Variants in INPP4A observed in about 807,000 individuals in gnomAD.
The protein encoded by INPP4A is inositol polyphosphate-4-phosphatase, type I, 107kD.
In INPP4A, 33 loss-of-function variants were observed where a neutral mutation model predicts 119.8. That is an observed-to-expected ratio of 0.28 (90% CI 0.21 to 0.37). The LOEUF (loss-of-function observed/expected upper bound fraction) is 0.37. Ranked by LOEUF, INPP4A falls within the 10% of genes least tolerant of loss-of-function variation. INPP4A has a pLI of 1.00. For synonymous variants in INPP4A, 496 were observed against 500.7 expected, an observed-to-expected ratio of 0.99 and a Z score of 0.12; for missense variants, 956 against 1,289.9, an observed-to-expected ratio of 0.74 and a Z score of 3.97.
intron 1 of INPP4A, among the ~76,000 whole-genome samples, chr2:98,486,194 C>G (rs778984686): frequency 4.6e-5 from 7 of 152,118 alleles, no homozygotes; most frequent in Non-Finnish European, 8.8e-5. Context: ...ATGCTCTTTC[C>G]TGGAGTCTCA....
At chr2:98,496,914 C>T (rs945721407) in intron 1 of INPP4A, among the ~76,000 whole-genome samples, 1 of 152,172 alleles carries the variant, frequency 6.6e-6, no homozygotes, top group Non-Finnish European at 1.5e-5. Flanking sequence ...GGTTGCTTTT[C>T]CCTCTCTGAC....
chr2:98,557,902 G>T (rs1289095418), intron 16 of INPP4A, among the ~76,000 whole-genome samples: 1 of 152,130 alleles, frequency 6.6e-6, no homozygotes, highest in Non-Finnish European at 1.5e-5. Context: ...CCAGGATTTG[G>T]TGGCTTCCAC....
intron 1 of INPP4A, among the ~76,000 whole-genome samples, chr2:98,516,987 G>C (rs1686259308): frequency 1.3e-5 from 2 of 151,898 alleles, no homozygotes; most frequent in Non-Finnish European, 2.9e-5. Flanking sequence ...CTTTGTATTG[G>C]GGTATAAAAA....
At chr2:98,564,841 C>T (rs1696142084) in intron 19 of INPP4A, 78 bp downstream of exon 19, 3 of 1,449,368 alleles carry the variant, frequency 2.1e-6, no homozygotes, top group Non-Finnish European at 2.8e-6. Flanking sequence ...ACTTTTCTCA[C>T]TATACCAGTA....
chr2:98,528,575 G>A (rs923332492), intron 4 of INPP4A, among the ~76,000 whole-genome samples: 2 of 147,410 alleles, frequency 1.4e-5, no homozygotes, highest in African/African-American at 5.0e-5. Flanking sequence ...CTCCACATAG[G>A]ATAAACTCAA....
chr2:98,531,768 C>T (rs1318111494), intron 4 of INPP4A, among the ~76,000 whole-genome samples: 3 of 152,136 alleles, frequency 2.0e-5, no homozygotes, highest in Non-Finnish European at 4.4e-5. Flanking sequence ...CATTTTCAAA[C>T]CTTAAAAGCT....
At chr2:98,536,048 C>A in intron 6 of INPP4A, 81 bp from the exon 7 acceptor site, 1 of 884,254 alleles carries the variant, frequency 1.1e-6, no homozygotes, top group Non-Finnish European at 1.8e-6. Flanking sequence ...AAGCAGTCAG[C>A]TGGACTCTCT....
chr2:98,476,054 T>C (rs1248439102), intron 1 of INPP4A, among the ~76,000 whole-genome samples: 1 of 152,242 alleles, frequency 6.6e-6, no homozygotes, highest in Non-Finnish European at 1.5e-5. Context: ...AATGTGATTT[T>C]GCCTATGTTT....
At chr2:98,563,750 A>G in intron 18 of INPP4A, 113 bp downstream of exon 18, 1 of 1,015,700 alleles carries the variant, frequency 9.8e-7, no homozygotes, top group Non-Finnish European at 1.5e-6. Context: ...AGATGGCCAT[A>G]TTTCCTCCTG....
At chr2:98,494,513 A>G (rs574927232) in intron 1 of INPP4A, among the ~76,000 whole-genome samples, 3 of 152,190 alleles carry the variant, frequency 2.0e-5, no homozygotes, top group East Asian at 1.9e-4. Context: ...TGACTCCAAC[A>G]TTTTCCCAAG....
rs142209296 is a variant in INPP4A at position 98,574,206 on chromosome 2, A to G, written c.2631+1279A>G. On this transcript the variant is annotated intron_variant, in intron 23 of 24. Transcript: ENST00000409851. The stretch of plus-strand genomic sequence containing the variant: ...ACACACTGGCTACGGGGGTCTCTGC[A>G]GCAGGACAGAGGGGGCTCCCTACTT... Among the ~76,000 whole-genome samples, 931 of 152,208 alleles carry G rather than the reference A, an allele frequency of 6.1e-3. 13 individuals are homozygous for G. Among genetic ancestry groups the G allele is most frequent in the African/African-American group, 0.021 (870 of 41,518 alleles).
At chr2:98,458,309 A>C (rs1574490698) in intron 1 of INPP4A, among the ~76,000 whole-genome samples, 1 of 151,766 alleles carries the variant, frequency 6.6e-6, no homozygotes, top group Non-Finnish European at 1.5e-5. Flanking sequence ...GTACCGCTGC[A>C]CTCCAGTCTT....
intron 1 of INPP4A, among the ~76,000 whole-genome samples, chr2:98,479,329 G>A (rs1333307661): frequency 6.6e-6 from 1 of 152,170 alleles, no homozygotes; most frequent in Non-Finnish European, 1.5e-5. Flanking sequence ...TGTGTGCTTC[G>A]TGAGATATCC....
At position 98,594,302 on chromosome 2, in the gene INPP4A, G is replaced by A. The variant is rs1248433304; in HGVS notation, c.*6694G>A. 6.6e-6 allele frequency: 1 copy of A among 152,190 alleles called. No homozygotes were observed. Among genetic ancestry groups the A allele is most frequent in the Admixed American group, 6.5e-5 (1 of 15,278 alleles). The allele number at this position is 152,190 out of a possible 1,614,324, so 9.4% of individuals were successfully genotyped here. A position where few individuals can be genotyped will look rare whatever the true frequency, so the allele number is the denominator to read the frequency against. The stretch of plus-strand genomic sequence containing the variant: ...TCTTGATCTGGATGGCCAGTTACAT[G>A]ACAGATTACTTTGTTCTTAACATAC... On this transcript the variant is annotated 3_prime_UTR_variant, in exon 25 of 25. Transcript: ENST00000409851.
At chr2:98,520,617 T>A in intron 3 of INPP4A, 70 bp from the exon 4 acceptor site, 1 of 926,026 alleles carries the variant, frequency 1.1e-6, no homozygotes, top group East Asian at 2.7e-5. Context: ...GAGGGTCATT[T>A]GTGCATTTAA....
chr2:98,446,082 C>T (rs1451183043), intron 1 of INPP4A, among the ~76,000 whole-genome samples: 1 of 152,210 alleles, frequency 6.6e-6, no homozygotes, highest in Non-Finnish European at 1.5e-5. Flanking sequence ...GGGTTGAGGA[C>T]AGAGTGGGTT....
chr2:98,468,641 G>A (rs1388908851), intron 1 of INPP4A, among the ~76,000 whole-genome samples: 1 of 152,130 alleles, frequency 6.6e-6, no homozygotes, highest in African/African-American at 2.4e-5. Flanking sequence ...GTGGCTGGTG[G>A]GTCGCATTTC....
At chr2:98,556,544 A>T (rs1694523608) in intron 16 of INPP4A, among the ~76,000 whole-genome samples, 1 of 152,210 alleles carries the variant, frequency 6.6e-6, no homozygotes, top group African/African-American at 2.4e-5. Context: ...TTCCTGTAAG[A>T]GCCATAGAGT....
At chr2:98,560,634 A>C (rs1695303533) in intron 17 of INPP4A, among the ~76,000 whole-genome samples, 1 of 152,174 alleles carries the variant, frequency 6.6e-6, no homozygotes, top group Admixed American at 6.5e-5. Flanking sequence ...TAGATGTACA[A>C]ACAGTTGATC....
Sources: allele counts gnomAD v4.1 joint callset (sites outside exome capture counted in the v4.1 genomes callset), GRCh38; gene constraint gnomAD v4.1.1; transcripts MANE v1.5; gene names NCBI Gene and HGNC (gene_info 2026-07-23, HGNC 2026-07-21).